Variants in PDGFD observed in about 807,000 individuals in gnomAD.
PDGFD encodes the protein platelet-derived growth factor D.
Under a neutral mutation model 44.7 loss-of-function variants are expected in PDGFD, and 30 were observed. The observed-to-expected ratio is 0.67, with a 90% CI of 0.50 to 0.91. The LOEUF (loss-of-function observed/expected upper bound fraction) is 0.91. Ranked by LOEUF, PDGFD falls within the 40% of genes least tolerant of loss-of-function variation. The probability of loss-of-function intolerance (pLI) is 0.00; values close to 1 mark genes in which losing one functional copy is unlikely to be tolerated. For missense variants in PDGFD, 445 were observed against 457.8 expected (o/e 0.97, Z 0.25); for synonymous variants, 173 against 168.4 (o/e 1.03, Z -0.21).
chr11:104,145,890 C>T (rs1024634739), intron 1 of PDGFD, among the ~76,000 whole-genome samples: 1 of 152,160 alleles, frequency 6.6e-6, no homozygotes, highest in African/African-American at 2.4e-5. Context: ...GATCTCTTTC[C>T]TTCCACATAC....
chr11:104,162,296 G>T (rs1380930979), intron 1 of PDGFD, among the ~76,000 whole-genome samples: 5 of 152,062 alleles, frequency 3.3e-5, no homozygotes, highest in Non-Finnish European at 7.4e-5. Flanking sequence ...TTATGGCTAT[G>T]AAGTCATGCA....
intron 1 of PDGFD, among the ~76,000 whole-genome samples, chr11:104,116,272 A>C (rs961236572): frequency 1.4e-4 from 22 of 152,058 alleles, no homozygotes; most frequent in Admixed American, 1.4e-3. Context: ...TCTCAGAACA[A>C]TTTGTTGAAT....
At chr11:103,915,317 A>G (rs2134301651) in intron 6 of PDGFD, among the ~76,000 whole-genome samples, 1 of 152,324 alleles carries the variant, frequency 6.6e-6, no homozygotes, top group East Asian at 1.9e-4. Context: ...ACAAACAGAG[A>G]GCCAAATCAT....
At chr11:104,141,593 C>T (rs1428176020) in intron 1 of PDGFD, among the ~76,000 whole-genome samples, 1 of 151,912 alleles carries the variant, frequency 6.6e-6, no homozygotes, top group African/African-American at 2.4e-5. Context: ...TGCCACTGCA[C>T]TGAACCAAAA....
chr11:103,913,967 T>C (rs11226073), intron 6 of PDGFD, among the ~76,000 whole-genome samples: 69,612 of 151,768 alleles, frequency 0.46, 16,056 homozygotes, highest in South Asian at 0.49. Context: ...CAAAAGGGGG[T>C]GAATGCAGAA....
intron 1 of PDGFD, among the ~76,000 whole-genome samples, chr11:104,080,809 A>G (rs1322355571): frequency 6.6e-6 from 1 of 152,230 alleles, no homozygotes; most frequent in African/African-American, 2.4e-5. Context: ...TTTCCACCCT[A>G]GCCTCATGAA....
chr11:104,094,661 C>T (rs1591160602), intron 1 of PDGFD, among the ~76,000 whole-genome samples: 4 of 152,190 alleles, frequency 2.6e-5, no homozygotes, highest in South Asian at 2.1e-4. Flanking sequence ...TATAACTATA[C>T]ACGTATATAC....
chr11:104,066,870 T>C (rs1226778149), intron 1 of PDGFD, among the ~76,000 whole-genome samples: 1 of 152,110 alleles, frequency 6.6e-6, no homozygotes, highest in East Asian at 1.9e-4. Context: ...CAAAAGTACT[T>C]ATACAACCAA....
intron 1 of PDGFD, among the ~76,000 whole-genome samples, chr11:104,093,147 G>C (rs1342159240): frequency 6.6e-6 from 1 of 152,100 alleles, no homozygotes; most frequent in African/African-American, 2.4e-5. Context: ...TCACAAGCTA[G>C]CAGCCCTTCT....
intron 1 of PDGFD, among the ~76,000 whole-genome samples, chr11:104,069,929 A>C (rs879721390): frequency 2.6e-5 from 4 of 152,236 alleles, no homozygotes; most frequent in Non-Finnish European, 4.4e-5. Flanking sequence ...CTTTCTCCTG[A>C]AACAAGACCT....
chr11:103,973,538 T>C (rs185317112), intron 3 of PDGFD, among the ~76,000 whole-genome samples: 117 of 152,296 alleles, frequency 7.7e-4, no homozygotes, highest in African/African-American at 2.6e-3. Context: ...ACACCTATGA[T>C]GTACCAGCCT....
chr11:104,124,685 C>T (rs1403225915), intron 1 of PDGFD, among the ~76,000 whole-genome samples: 2 of 152,022 alleles, frequency 1.3e-5, no homozygotes, highest in Non-Finnish European at 2.9e-5. Flanking sequence ...ATTTAATGAG[C>T]TTTTTAAAAT....
intron 1 of PDGFD, among the ~76,000 whole-genome samples, chr11:104,029,412 T>A (rs1860092150): frequency 6.6e-6 from 1 of 152,236 alleles, no homozygotes; most frequent in Non-Finnish European, 1.5e-5. Context: ...GCTTTAGCCA[T>A]GCTAATTACT....
At chr11:104,086,330 T>A (rs1208801410) in intron 1 of PDGFD, among the ~76,000 whole-genome samples, 3 of 152,198 alleles carry the variant, frequency 2.0e-5, no homozygotes, top group African/African-American at 7.2e-5. Context: ...GAACAGCATG[T>A]TTTAGGATGA....
chr11:104,136,520 T>C (rs1053188723), intron 1 of PDGFD, among the ~76,000 whole-genome samples: 2 of 152,190 alleles, frequency 1.3e-5, no homozygotes, highest in Non-Finnish European at 2.9e-5. Flanking sequence ...TTGGGACTTG[T>C]GCATAAAAAC....
At position 104,163,907 on chromosome 11, in the gene PDGFD, G is replaced by A. The variant is rs910658859; in HGVS notation, c.21C>T (p.Val7=). 8.4e-6 allele frequency: 13 copies of A among 1,553,806 alleles called. No homozygotes were observed. The highest frequency in any genetic ancestry group is 1.4e-5 in the African/African-American group (1 of 74,058). The change falls in exon 1 of 7, where the codon GTC becomes GTT. Residue 7 remains valine, a synonymous_variant. Coordinates refer to ENST00000393158, the MANE Select transcript of PDGFD (RefSeq NM_025208.5). ...AAAAGTTTGCGCAGATTAGAGTGTA[G>A]ACAAAGATGAGCCGGTGCATTTGGG... MHRLIF[V]YTLICANFCS...
At chr11:104,117,634 T>C (rs1353620544) in intron 1 of PDGFD, among the ~76,000 whole-genome samples, 4 of 151,764 alleles carry the variant, frequency 2.6e-5, no homozygotes, top group Non-Finnish European at 5.9e-5. Context: ...CCTTTTAAAA[T>C]AACTGCAAAA....
Position 104,090,342 on chromosome 11 carries a change from G to A in PDGFD, c.124+73462C>T, listed in dbSNP as rs188993960. Among the ~76,000 whole-genome samples the A allele has an allele frequency of 1.2e-3, 173 of 150,354 alleles. 4 individuals carry two copies. Among genetic ancestry groups the A allele is most frequent in the East Asian group, 9.7e-4 (5 of 5,166 alleles). The stretch of plus-strand genomic sequence containing the variant: ...AAATGTTAAAAATGGATGTAGAGGC[G>A]GGCACAGTGGCTCATGCCTATGATC... On this transcript the variant is annotated intron_variant, in intron 1 of 6. Transcript: ENST00000393158.
At chr11:104,030,819 A>C (rs930991342) in intron 1 of PDGFD, among the ~76,000 whole-genome samples, 1 of 152,142 alleles carries the variant, frequency 6.6e-6, no homozygotes, top group Non-Finnish European at 1.5e-5. Flanking sequence ...TTCCAGGCCC[A>C]CTTCAGTGAC....
Sources: allele counts gnomAD v4.1 joint callset (sites outside exome capture counted in the v4.1 genomes callset), GRCh38; gene constraint gnomAD v4.1.1; transcripts MANE v1.5; gene names NCBI Gene and HGNC (gene_info 2026-07-23, HGNC 2026-07-21).